The following DSE variants were observed in gnomAD, a reference collection of about 807,000 sequenced individuals.
DSE encodes the protein dermatan sulfate epimerase.
Under a neutral mutation model 84.4 loss-of-function variants are expected in DSE, and 36 were observed. The observed-to-expected ratio is 0.43, with a 90% CI of 0.33 to 0.56. The LOEUF (loss-of-function observed/expected upper bound fraction) is 0.56. Among genes scored for constraint, DSE ranks in the 20% least tolerant of loss-of-function variants. The pLI, the probability that DSE is intolerant of heterozygous loss-of-function variation, is 0.06. For missense variants in DSE, 862 were observed against 1,169.6 expected, an observed-to-expected ratio of 0.74 and a Z score of 3.84; for synonymous variants, 410 against 430.1, an observed-to-expected ratio of 0.95 and a Z score of 0.58.
intron 2 of DSE, among the ~76,000 whole-genome samples, chr6:116,408,202 A>G (rs1398059010): frequency 6.6e-6 from 1 of 152,228 alleles, no homozygotes; most frequent in East Asian, 1.9e-4. Context: ...ATTCGGCTCC[A>G]AAGAAACTTC....
intron 2 of DSE, among the ~76,000 whole-genome samples, chr6:116,303,640 G>A (rs182608434): frequency 4.6e-5 from 7 of 152,092 alleles, no homozygotes; most frequent in Admixed American, 1.3e-4. Flanking sequence ...GCAAGAGACA[G>A]GTGACGATAG....
At chr6:116,339,992 G>A (rs900322353) in intron 2 of DSE, among the ~76,000 whole-genome samples, 2 of 152,108 alleles carry the variant, frequency 1.3e-5, no homozygotes, top group Admixed American at 6.6e-5. Flanking sequence ...TGAATTGCAT[G>A]GGATTTTAAA....
intron 2 of DSE, among the ~76,000 whole-genome samples, chr6:116,289,936 A>C (rs1173463005): frequency 6.6e-6 from 1 of 152,140 alleles, no homozygotes; most frequent in African/African-American, 2.4e-5. Flanking sequence ...ATTCATCATC[A>C]TAAATAGAAA....
At chr6:116,397,109 T>C (rs1370503690) in intron 1 of DSE, among the ~76,000 whole-genome samples, 1 of 152,082 alleles carries the variant, frequency 6.6e-6, no homozygotes, top group Non-Finnish European at 1.5e-5. Flanking sequence ...CCCACAATGC[T>C]GATTGCATTG....
intron 2 of DSE, 112 bp from the exon 3 acceptor site, chr6:116,426,462 T>C: frequency 7.1e-7 from 1 of 1,418,348 alleles, no homozygotes; most frequent in Admixed American, 2.3e-5. Flanking sequence ...CATTAAGCCC[T>C]TGGATTATAT....
At chr6:116,433,129 A>G in intron 4 of DSE, 2 of 567,696 alleles carry the variant, frequency 3.5e-6, no homozygotes, top group Non-Finnish European at 6.2e-6. Context: ...CACATAATAA[A>G]TACAAGCTTG....
At position 116,338,455 on chromosome 6, in the gene DSE, A is replaced by G. The variant is rs183275128; in HGVS notation, c.-53-60743A>G. ...CCTAGGCTGGTCTCAAACTCCTGAC[A>G]TCAGGCGATCCACCCGCCTCAGCCT... is the stretch of plus-strand genomic sequence containing the variant. On this transcript the variant is annotated intron_variant, in intron 2 of 3. Transcript: ENST00000430252. 5.0e-3 allele frequency among the ~76,000 whole-genome samples: 756 copies of G among 151,724 alleles called. 6 individuals are homozygous for G. Among genetic ancestry groups the G allele is most frequent in the Middle Eastern group, 0.027 (8 of 294 alleles).
chr6:116,367,476 G>A (rs946209871), upstream of DSE, among the ~76,000 whole-genome samples: 4 of 152,228 alleles, frequency 2.6e-5, no homozygotes, highest in Non-Finnish European at 4.4e-5. Context: ...AACAGAAGCC[G>A]CATACCTGTA....
At chr6:116,302,378 A>G (rs986045938) in intron 2 of DSE, among the ~76,000 whole-genome samples, 1 of 152,166 alleles carries the variant, frequency 6.6e-6, no homozygotes, top group East Asian at 1.9e-4. Context: ...GCATTTCTCT[A>G]ATGACCAGTG....
At chr6:116,399,776 T>TG in intron 2 of DSE, 110 bp downstream of exon 2, 3 of 1,045,456 alleles carry the variant, frequency 2.9e-6, no homozygotes, top group South Asian at 1.6e-5. Flanking sequence ...TGTATGTGTG[T>TG]GGGGGGAGGT....
At chr6:116,343,380 T>C (rs1777738771) in intron 2 of DSE, among the ~76,000 whole-genome samples, 1 of 152,196 alleles carries the variant, frequency 6.6e-6, no homozygotes, top group South Asian at 2.1e-4. Flanking sequence ...GTAGCCTAAA[T>C]GGGAGACACC....
intron 2 of DSE, chr6:116,278,191 G>A: frequency 2.9e-6 from 1 of 339,426 alleles, no homozygotes; most frequent in Non-Finnish European, 5.7e-6. Context: ...CAGTTCAGAG[G>A]CCCTGGGAAT....
At chr6:116,255,915 A>G (rs1249188511) in intron 1 of DSE, 3 of 152,308 alleles carry the variant, frequency 2.0e-5, no homozygotes, top group East Asian at 1.9e-4. Flanking sequence ...TTAAAGATTT[A>G]TATCTCTACT....
At chr6:116,346,911 C>A (rs1434729374) in intron 2 of DSE, among the ~76,000 whole-genome samples, 4 of 152,192 alleles carry the variant, frequency 2.6e-5, no homozygotes, top group African/African-American at 9.7e-5. Flanking sequence ...TGATAAGCAA[C>A]TTCAGCAGAG....
intron 2 of DSE, among the ~76,000 whole-genome samples, chr6:116,402,464 A>G (rs1282804495): frequency 6.6e-6 from 1 of 152,166 alleles, no homozygotes; most frequent in East Asian, 1.9e-4. Context: ...TCTACCTTAT[A>G]GGGTTGCTAG....
In DSE at chr6:116,377,291, C is replaced by T. The variant is rs75350573; in HGVS notation, c.-54+6170C>T. Among the ~76,000 whole-genome samples, 1,409 of 152,296 alleles carry T rather than the reference C, an allele frequency of 9.3e-3. 18 individuals carry two copies. Among genetic ancestry groups the T allele is most frequent in the African/African-American group, 0.032 (1,346 of 41,552 alleles). ...ACAAAGTTGAATCAGTACTTCCTAA[C>T]TTTTAAAAAGGAATTTGTAAAGGAA... On this transcript the variant is annotated intron_variant, in intron 1 of 5. Transcript: ENST00000644252.
upstream of DSE, among the ~76,000 whole-genome samples, chr6:116,368,852 A>G (rs1053706415): frequency 2.7e-5 from 4 of 148,072 alleles, no homozygotes; most frequent in Admixed American, 6.7e-5. Context: ...TCTCCTGTGG[A>G]ATCAAGGCTA....
Position 116,278,715 on chromosome 6 carries a change from G to A in DSE, c.-54+19748G>A, listed in dbSNP as rs1339620596. ...ACCAAGTGAAGAAGCTGCAGATGAG[G>A]TCTTGGTTTCTGCGAATGAAGGACT... On this transcript the variant is annotated intron_variant, in intron 2 of 3. Transcript: ENST00000430252. The A allele has an allele frequency of 2.5e-6, 4 of 1,614,054 alleles. No homozygotes were observed. Among genetic ancestry groups the A allele is most frequent in the South Asian group, 2.2e-5 (2 of 91,090 alleles).
upstream of DSE, among the ~76,000 whole-genome samples, chr6:116,365,595 A>C (rs1779123419): frequency 6.6e-6 from 1 of 152,156 alleles, no homozygotes; most frequent in Non-Finnish European, 1.5e-5. Flanking sequence ...TGTGCAGCAA[A>C]GTTTGGGAAG....
Sources: gnomAD v4.1 joint callset for allele counts (sites outside exome capture counted in the v4.1 genomes callset) on GRCh38, gnomAD v4.1.1 for gene constraint, MANE v1.5 for transcripts, NCBI Gene and HGNC (gene_info 2026-07-23, HGNC 2026-07-21) for gene names.